CNOT4: variants seen among roughly 807,000 people sequenced by gnomAD.
CNOT4 encodes the protein CCR4-associated factor 4.
A neutral mutation model predicts 73.8 loss-of-function variants in CNOT4; 8 were observed. That is an observed-to-expected ratio of 0.11 (90% CI 0.06 to 0.20). The LOEUF (loss-of-function observed/expected upper bound fraction) is 0.20. CNOT4 is among the 10% of genes least tolerant of loss of function. CNOT4 has a pLI of 1.00. For missense variants in CNOT4, 564 were observed against 883.4 expected, an observed-to-expected ratio of 0.64 and a Z score of 4.58; for synonymous variants, 293 against 321.1, an observed-to-expected ratio of 0.91 and a Z score of 0.94.
At chr7:135,426,614 A>G in intron 2 of CNOT4, among the ~76,000 whole-genome samples, 1 of 151,176 alleles carries the variant, frequency 6.6e-6, no homozygotes. Context: ...AAAAAAAAAA[A>G]AAAAGAAAGA....
At chr7:135,473,896 T>C (rs892568766) in intron 1 of CNOT4, among the ~76,000 whole-genome samples, 1 of 152,074 alleles carries the variant, frequency 6.6e-6, no homozygotes, top group Non-Finnish European at 1.5e-5. Context: ...AGAATAGTAC[T>C]GTTTATGGCT....
intron 1 of CNOT4, among the ~76,000 whole-genome samples, chr7:135,498,852 A>G (rs576420426): frequency 6.6e-6 from 1 of 152,286 alleles, no homozygotes; most frequent in South Asian, 2.1e-4. Context: ...TTTGGAAGCA[A>G]AATTCACATG....
intron 7 of CNOT4, among the ~76,000 whole-genome samples, chr7:135,404,149 G>C (rs112101513): frequency 1.4e-3 from 207 of 152,312 alleles, no homozygotes; most frequent in African/African-American, 4.8e-3. Flanking sequence ...CACTAACTCT[G>C]TATGTAGCCA....
chr7:135,395,661 G>T lies in CNOT4; in HGVS notation c.1102C>A (p.Pro368Thr). ...GATGTGAAGAGGCTCTGTGGTTCTG[G>T]TGCTGTAGGCCAGTCACTGGATGTC... Reference protein sequence around the residue: ...PQTSSDWPTAPEPQSLFTSET... With the variant: ...PQTSSDWPTATEPQSLFTSET... The change falls in exon 9 of 12, where the codon CCA (proline) becomes ACA (threonine). Residue 368 changes from proline to threonine, a missense_variant. By Grantham distance (38) the Pro-to-Thr change is conservative. Transcript: ENST00000541284. 6.2e-7 allele frequency: 1 copy of T among 1,614,002 alleles called. No homozygotes were observed. Among genetic ancestry groups the T allele is most frequent in the Non-Finnish European group, 8.5e-7 (1 of 1,179,926 alleles).
chr7:135,484,683 A>C (rs1301625569), intron 1 of CNOT4, among the ~76,000 whole-genome samples: 1 of 151,868 alleles, frequency 6.6e-6, no homozygotes, highest in Non-Finnish European at 1.5e-5. Flanking sequence ...TGAACCCAGG[A>C]AGCGGAGGTT....
At chr7:135,477,639 T>C (rs1802082789) in intron 1 of CNOT4, among the ~76,000 whole-genome samples, 1 of 152,220 alleles carries the variant, frequency 6.6e-6, no homozygotes, top group South Asian at 2.1e-4. Flanking sequence ...CATCTCTACT[T>C]CATTCTTCTT....
At chr7:135,466,346 C>T (rs1801217890) in intron 1 of CNOT4, among the ~76,000 whole-genome samples, 2 of 150,586 alleles carry the variant, frequency 1.3e-5, no homozygotes, top group Admixed American at 1.3e-4. Context: ...TGGTGGCATG[C>T]ACCTGTAATC....
chr7:135,377,876 T>C (rs1260906564), intron 10 of CNOT4, among the ~76,000 whole-genome samples: 1 of 152,120 alleles, frequency 6.6e-6, no homozygotes, highest in Non-Finnish European at 1.5e-5. Context: ...AAAAGAAGAC[T>C]AGATGAAAAT....
At chr7:135,389,534 T>C (rs1168154268) in intron 10 of CNOT4, among the ~76,000 whole-genome samples, 7 of 152,076 alleles carry the variant, frequency 4.6e-5, no homozygotes, top group African/African-American at 1.7e-4. Context: ...TCGGTTCTCC[T>C]GATTATAACT....
At chr7:135,395,555 C>A in intron 9 of CNOT4, 79 bp downstream of exon 9, 1 of 1,424,366 alleles carries the variant, frequency 7.0e-7, no homozygotes, top group Non-Finnish European at 9.5e-7. Flanking sequence ...AAAAATATAT[C>A]CACTAATGAG....
intron 2 of CNOT4, among the ~76,000 whole-genome samples, chr7:135,431,584 ATACAAAAAAT>A (rs1286339005): frequency 6.6e-6 from 1 of 152,074 alleles, no homozygotes; most frequent in African/African-American, 2.4e-5. Context: ...TCTACTAAAA[ATACAAAAAAT>A]TAGCCAGGTG....
chr7:135,436,203 CT>C (rs1257289425), intron 2 of CNOT4, among the ~76,000 whole-genome samples: 6 of 149,400 alleles, frequency 4.0e-5, no homozygotes, highest in Non-Finnish European at 7.4e-5. Context: ...ATTTTTTTTT[CT>C]TTTTTTACTT....
At chr7:135,432,705 C>G (rs1270133089) in intron 2 of CNOT4, among the ~76,000 whole-genome samples, 1 of 152,070 alleles carries the variant, frequency 6.6e-6, no homozygotes, top group Admixed American at 6.5e-5. Flanking sequence ...GGCACATCCT[C>G]CAATAGATTC....
At chr7:135,389,106 T>G (rs1208353209) in intron 10 of CNOT4, among the ~76,000 whole-genome samples, 1 of 149,462 alleles carries the variant, frequency 6.7e-6, no homozygotes, top group Non-Finnish European at 1.5e-5. Flanking sequence ...TGAGTAATAT[T>G]GTTTCAGAGA....
chr7:135,392,868 A>G (rs1260990313), intron 10 of CNOT4, among the ~76,000 whole-genome samples: 3 of 152,206 alleles, frequency 2.0e-5, no homozygotes, highest in Non-Finnish European at 4.4e-5. Flanking sequence ...AAATTCATCT[A>G]TCAGCCTTGC....
At position 135,364,677 on chromosome 7, in the gene CNOT4, T is replaced by C. The variant is rs117255168; in HGVS notation, c.1628-611A>G. ...CTAAGGCCGAGGAGGCAGGAGCTGA[T>C]ACCTTCTAGATGGAATAATTTCCAA... On this transcript the variant is annotated intron_variant, in intron 10 of 11. Transcript: ENST00000541284. The surrounding 1 kb of genome is among the most constrained non-coding windows in gnomAD (Gnocchi z 4.3). 9.5e-4 allele frequency among the ~76,000 whole-genome samples: 144 copies of C among 152,362 alleles called. 1 individual carries two copies. In the East Asian group the frequency reaches 0.022, roughly 23 times the overall value.
rs148536881 is a variant in CNOT4 at position 135,437,881 on chromosome 7, T to C, written c.174+277A>G. Reference sequence around the variant, plus strand: ...CTTAAGCAGTAAGCATCCCTGACCATGTCTTTCTCCTCGGATAAAACAACA... The same window carrying C: ...CTTAAGCAGTAAGCATCCCTGACCACGTCTTTCTCCTCGGATAAAACAACA... On this transcript the variant is annotated intron_variant, in intron 2 of 11. Transcript: ENST00000541284. Among the ~76,000 whole-genome samples, 45 of 152,314 alleles carry C rather than the reference T, an allele frequency of 3.0e-4. 1 individual carries two copies. In the East Asian group the frequency reaches 8.5e-3, roughly 29 times the overall value.
chr7:135,429,112 G>A lies in CNOT4; in HGVS notation c.175-6759C>T, dbSNP rs867486048. Among the ~76,000 whole-genome samples, 8 of 152,242 alleles carry A rather than the reference G, an allele frequency of 5.3e-5. No homozygotes were observed. The Middle Eastern group carries it at 0.014, about 259-fold the overall frequency. ...CTCTCCATTATAAATACGGATGTCA[G>A]TTTCTCCTGGTGTTTATAATGGCTC... On this transcript the variant is annotated intron_variant, in intron 2 of 11. Transcript: ENST00000541284.
At chr7:135,432,750 G>C (rs960974616) in intron 2 of CNOT4, among the ~76,000 whole-genome samples, 6 of 152,152 alleles carry the variant, frequency 3.9e-5, no homozygotes, top group Non-Finnish European at 4.4e-5. Context: ...AAAAAATTTT[G>C]AGGCCTCTCA....
Sources: allele counts gnomAD v4.1 joint callset (sites outside exome capture counted in the v4.1 genomes callset), GRCh38; gene constraint gnomAD v4.1.1; non-coding constraint Gnocchi (gnomAD v3.1); transcripts MANE v1.5; gene names NCBI Gene and HGNC (gene_info 2026-07-23, HGNC 2026-07-21).